Variants in PCSK5 observed in about 807,000 individuals in gnomAD.
PCSK5 encodes prohormone convertase 5.
A neutral mutation model predicts 233.2 loss-of-function variants in PCSK5; 129 were observed. The ratio of observed to expected loss-of-function variants is 0.55; its 90% CI spans 0.48 to 0.64. PCSK5 has a LOEUF of 0.64. Ranked by LOEUF, PCSK5 falls within the 30% of genes least tolerant of loss-of-function variation. The probability of loss-of-function intolerance (pLI) is 0.00; values close to 1 mark genes in which losing one functional copy is unlikely to be tolerated. For synonymous variants in PCSK5, 825 were observed against 879.2 expected (o/e 0.94, Z 1.09); for missense variants, 2,076 against 2,430.1 (o/e 0.85, Z 3.06).
chr9:76,073,479 C>T (rs1830545089), intron 7 of PCSK5, among the ~76,000 whole-genome samples: 1 of 151,978 alleles, frequency 6.6e-6, no homozygotes, highest in African/African-American at 2.4e-5. Flanking sequence ...TTCAAGGTGC[C>T]TTAACAGCAA....
At chr9:76,337,828 C>G (rs982473467) in intron 34 of PCSK5, among the ~76,000 whole-genome samples, 6 of 137,218 alleles carry the variant, frequency 4.4e-5, no homozygotes, top group Non-Finnish European at 6.5e-5. Flanking sequence ...AGTGAGACAC[C>G]CATCTCTGTT....
chr9:76,139,828 C>T (rs1483445760), intron 10 of PCSK5, among the ~76,000 whole-genome samples: 1 of 152,020 alleles, frequency 6.6e-6, no homozygotes, highest in Non-Finnish European at 1.5e-5. Context: ...GTGAATCACA[C>T]AGAATTCAGG....
chr9:76,070,440 A>G (rs1242427301), intron 6 of PCSK5, among the ~76,000 whole-genome samples: 2 of 152,198 alleles, frequency 1.3e-5, no homozygotes, highest in Non-Finnish European at 2.9e-5. Flanking sequence ...TTAGAGATAC[A>G]TGGAGGGGAA....
chr9:76,301,459 A>G (rs1291247369), intron 27 of PCSK5, among the ~76,000 whole-genome samples: 1 of 152,204 alleles, frequency 6.6e-6, no homozygotes, highest in Non-Finnish European at 1.5e-5. Flanking sequence ...TTACGATTTT[A>G]AAAAGAGAAG....
At chr9:76,290,556 C>G (rs1252921099) in intron 24 of PCSK5, among the ~76,000 whole-genome samples, 1 of 152,300 alleles carries the variant, frequency 6.6e-6, no homozygotes, top group African/African-American at 2.4e-5. Flanking sequence ...AACCTCTACC[C>G]CAAGGAGCTT....
At chr9:75,965,869 A>G (rs1825562097) in intron 2 of PCSK5, among the ~76,000 whole-genome samples, 1 of 152,204 alleles carries the variant, frequency 6.6e-6, no homozygotes, top group Non-Finnish European at 1.5e-5. Flanking sequence ...TCTTGGGAAG[A>G]ACAATATCCT....
intron 1 of PCSK5, among the ~76,000 whole-genome samples, chr9:75,893,123 C>T (rs1163918705): frequency 6.6e-6 from 1 of 152,174 alleles, no homozygotes; most frequent in Non-Finnish European, 1.5e-5. Flanking sequence ...TACTATTAAT[C>T]TTTCCAGAGA....
chr9:75,995,792 T>C (rs1826995303), intron 3 of PCSK5, among the ~76,000 whole-genome samples: 1 of 138,988 alleles, frequency 7.2e-6, no homozygotes, highest in East Asian at 2.0e-4. Context: ...CTCACACCTC[T>C]CTGATCTTGT....
At chr9:75,907,399 T>C (rs1197226308) in intron 1 of PCSK5, among the ~76,000 whole-genome samples, 1 of 152,184 alleles carries the variant, frequency 6.6e-6, no homozygotes, top group Non-Finnish European at 1.5e-5. Flanking sequence ...TAGTGCATTG[T>C]TTATTCTATA....
At chr9:76,165,973 A>G (rs1157049783) in intron 12 of PCSK5, among the ~76,000 whole-genome samples, 2 of 152,238 alleles carry the variant, frequency 1.3e-5, no homozygotes, top group African/African-American at 2.4e-5. Context: ...CCTACAAGCT[A>G]TATTACCTTT....
At chr9:76,229,605 T>G (rs1054213306) in intron 21 of PCSK5, among the ~76,000 whole-genome samples, 3 of 152,230 alleles carry the variant, frequency 2.0e-5, no homozygotes, top group African/African-American at 7.2e-5. Flanking sequence ...GAAAAAAATC[T>G]TTTTACTAGA....
At chr9:76,212,619 T>A (rs1172983806) in intron 20 of PCSK5, among the ~76,000 whole-genome samples, 1 of 152,236 alleles carries the variant, frequency 6.6e-6, no homozygotes, top group Non-Finnish European at 1.5e-5. Flanking sequence ...ACCATTTTCT[T>A]AACTCACTCA....
chr9:76,181,726 A>G (rs1823881554), intron 16 of PCSK5, 135 bp downstream of exon 16: 1 of 620,802 alleles, frequency 1.6e-6, no homozygotes, highest in African/African-American at 1.9e-5. Flanking sequence ...CATTCATTTT[A>G]AGAGAACCCT....
At chr9:76,000,129 A>G (rs1360580285) in intron 3 of PCSK5, among the ~76,000 whole-genome samples, 1 of 152,150 alleles carries the variant, frequency 6.6e-6, no homozygotes, top group East Asian at 1.9e-4. Context: ...TGTCTCTTAC[A>G]TCTCCTTAAT....
At chr9:76,262,657 C>G (rs1827214782) in intron 24 of PCSK5, among the ~76,000 whole-genome samples, 1 of 151,306 alleles carries the variant, frequency 6.6e-6, no homozygotes, top group African/African-American at 2.4e-5. Flanking sequence ...AACGTTAGAC[C>G]TAAAACCACA....
Position 76,169,714 on chromosome 9 carries a change from C to G in PCSK5, c.1630C>G (p.His544Asp). 6.2e-7 allele frequency: 1 copy of G among 1,612,000 alleles called. No individual in the cohort carries two copies. The change falls in exon 13 of 38, where the codon CAC becomes GAC. Residue 544 changes from histidine (H) to aspartate (D), a missense_variant. His to Asp is a moderately conservative substitution (Grantham distance 81). Coordinates refer to ENST00000674117, the MANE Select transcript of PCSK5 (RefSeq NM_001372043.1). The part of the protein sequence containing the change: ...SQLLANRLFD[H>D]SMEGFKNWEF... Reference sequence around the variant, plus strand: ...TTTGTTCACTTTCAGGCTATTTGATCACTCCATGGAAGGATTCAAAAACTG... The same window carrying G: ...TTTGTTCACTTTCAGGCTATTTGATGACTCCATGGAAGGATTCAAAAACTG...
chr9:76,192,020 A>G (rs1010709219), intron 20 of PCSK5, among the ~76,000 whole-genome samples: 3 of 148,620 alleles, frequency 2.0e-5, no homozygotes, highest in African/African-American at 7.5e-5. Flanking sequence ...TGGAGGTTGC[A>G]GAGAGCAGAG....
intron 5 of PCSK5, among the ~76,000 whole-genome samples, chr9:76,052,991 C>G (rs1377184134): frequency 6.6e-6 from 1 of 152,236 alleles, no homozygotes; most frequent in Non-Finnish European, 1.5e-5. Context: ...GACTCCATGT[C>G]TCACATCTAG....
chr9:76,090,158 A>G (rs555519531), intron 7 of PCSK5, among the ~76,000 whole-genome samples: 5 of 152,232 alleles, frequency 3.3e-5, no homozygotes, highest in Non-Finnish European at 7.4e-5. Flanking sequence ...AAATGTCATT[A>G]TTTCCCACAC....
Sources: allele counts gnomAD v4.1 joint callset (sites outside exome capture counted in the v4.1 genomes callset), GRCh38; gene constraint gnomAD v4.1.1; transcripts MANE v1.5; gene names NCBI Gene and HGNC (gene_info 2026-07-23, HGNC 2026-07-21).